The following KRABD2 variants were observed in gnomAD, a reference collection of about 807,000 sequenced individuals.
The protein encoded by KRABD2 is KRAB domain-containing protein 2.
the KRABD2 span, chr17:8,370,298 T>A: frequency 6.2e-7 from 1 of 1,612,312 alleles, no homozygotes; most frequent in South Asian, 1.1e-5. Context: ...TCATGTTACT[T>A]ATCTCCATTT....
the KRABD2 span, among the ~76,000 whole-genome samples, chr17:8,365,007 C>G: frequency 6.6e-6 from 1 of 151,578 alleles, no homozygotes; most frequent in South Asian, 2.1e-4. Flanking sequence ...GCACTCCAGC[C>G]TAGGCAACAA....
the KRABD2 span, among the ~76,000 whole-genome samples, chr17:8,375,556 G>C: frequency 1.3e-5 from 2 of 150,428 alleles, no homozygotes; most frequent in African/African-American, 4.9e-5. Flanking sequence ...TTTTTGAGAG[G>C]GTAGGGTCTC....
chr17:8,376,662 G>A, the KRABD2 span: 27 of 984,894 alleles, frequency 2.7e-5, no homozygotes, highest in East Asian at 1.1e-4. Flanking sequence ...CAGACGCGGC[G>A]TCTGAATCCC....
At chr17:8,371,240 A>G in the KRABD2 span, 2 of 1,315,548 alleles carry the variant, frequency 1.5e-6, no homozygotes. Flanking sequence ...CTGTGGGGAT[A>G]TTTTTAAATG....
the KRABD2 span, among the ~76,000 whole-genome samples, chr17:8,362,153 GA>G: frequency 7.9e-5 from 12 of 152,200 alleles, no homozygotes; most frequent in African/African-American, 2.9e-4. The surrounding 1 kb of genome is among the most constrained non-coding windows in gnomAD (Gnocchi z 4.2). Context: ...CTAACATGGT[GA>G]AACCCCGTCT....
the KRABD2 span, chr17:8,372,063 G>T: frequency 4.1e-6 from 4 of 985,440 alleles, no homozygotes; most frequent in Non-Finnish European, 4.8e-6. This position sits in a 1 kb window ranked among gnomAD's most constrained non-coding sequence, Gnocchi z 4.1. Flanking sequence ...GATGCAGAGC[G>T]GAGGGGCAGG....
chr17:8,372,147 T>G, the KRABD2 span: 145 of 893,258 alleles, frequency 1.6e-4, no homozygotes, highest in African/African-American at 2.5e-3. The surrounding 1 kb of genome is among the most constrained non-coding windows in gnomAD (Gnocchi z 4.1). Context: ...AAGTGGGGCC[T>G]GCTTCCAGGT....
the KRABD2 span, chr17:8,373,384 C>G: frequency 6.1e-6 from 1 of 165,208 alleles, no homozygotes; most frequent in Non-Finnish European, 1.3e-5. Flanking sequence ...CCGTGTTGGC[C>G]GGGCTGGTCT....
chr17:8,369,610 C>CA, the KRABD2 span: 1 of 1,614,212 alleles, frequency 6.2e-7, no homozygotes, highest in Non-Finnish European at 8.5e-7. Flanking sequence ...AGCTCATGAA[C>CA]AACCTGGTTT....
the KRABD2 span, among the ~76,000 whole-genome samples, chr17:8,360,634 T>A: frequency 1.3e-5 from 2 of 152,214 alleles, no homozygotes; most frequent in African/African-American, 4.8e-5. Context: ...GTCAACTTTT[T>A]GAATGAGAGT....
chr17:8,371,540 A>C, the KRABD2 span: 1 of 1,581,736 alleles, frequency 6.3e-7, no homozygotes, highest in Non-Finnish European at 8.6e-7. Context: ...GGCATGCAGC[A>C]TAAAGGACTC....
the KRABD2 span, among the ~76,000 whole-genome samples, chr17:8,358,848 T>C: frequency 6.6e-6 from 1 of 152,162 alleles, no homozygotes; most frequent in Non-Finnish European, 1.5e-5. Flanking sequence ...TCAACATCTA[T>C]TTCCTAAAAA....
At chr17:8,363,124 A>G in the KRABD2 span, among the ~76,000 whole-genome samples, 1 of 152,186 alleles carries the variant, frequency 6.6e-6, no homozygotes, top group Non-Finnish European at 1.5e-5. Context: ...AGGGAGAATG[A>G]TACACTGATG....
the KRABD2 span, among the ~76,000 whole-genome samples, chr17:8,362,948 T>G: frequency 6.6e-6 from 1 of 152,250 alleles, no homozygotes; most frequent in Non-Finnish European, 1.5e-5. The surrounding 1 kb of genome is among the most constrained non-coding windows in gnomAD (Gnocchi z 4.2). Context: ...AAGAACAAAT[T>G]TCTGCCGAAG....
At chr17:8,376,038 A>C in the KRABD2 span, 2 of 1,231,456 alleles carry the variant, frequency 1.6e-6, no homozygotes, top group Non-Finnish European at 2.0e-6. Context: ...CATCTCAACA[A>C]CCTGTACCAC....
chr17:8,366,938 T>C, the KRABD2 span, among the ~76,000 whole-genome samples: 1 of 151,670 alleles, frequency 6.6e-6, no homozygotes, highest in Non-Finnish European at 1.5e-5. Context: ...GCCAGGCGGG[T>C]CTCGAACCCC....
chr17:8,376,186 T>C, the KRABD2 span: 4 of 1,231,610 alleles, frequency 3.2e-6, no homozygotes, highest in Non-Finnish European at 4.0e-6. Context: ...ACAAAAGATG[T>C]TTAAAGGACA....
chr17:8,361,852 G>A, the KRABD2 span, among the ~76,000 whole-genome samples: 1 of 152,188 alleles, frequency 6.6e-6, no homozygotes, highest in African/African-American at 2.4e-5. Flanking sequence ...TTCTTGAGCA[G>A]GGAAGATGGT....
chr17:8,360,073 G>A, the KRABD2 span, among the ~76,000 whole-genome samples: 4 of 152,116 alleles, frequency 2.6e-5, no homozygotes, highest in African/African-American at 9.7e-5. Flanking sequence ...AATGTCGCGG[G>A]AAATGCATAA....
Sources: gnomAD v4.1 joint callset for allele counts (sites outside exome capture counted in the v4.1 genomes callset) on GRCh38, gnomAD v4.1.1 for gene constraint, Gnocchi (gnomAD v3.1) non-coding constraint, MANE v1.5 for transcripts, NCBI Gene and HGNC (gene_info 2026-07-23, HGNC 2026-07-21) for gene names.